Variants in LEMD2 observed in about 807,000 individuals in gnomAD.
The protein encoded by LEMD2 is LEM domain nuclear envelope protein 2.
A neutral mutation model predicts 58.8 loss-of-function variants in LEMD2; 34 were observed. The observed-to-expected ratio is 0.58, with a 90% CI of 0.44 to 0.77. The LOEUF is 0.77. Among genes scored for constraint, LEMD2 ranks in the 30% least tolerant of loss-of-function variants. LEMD2 has a pLI of 0.00. For missense variants in LEMD2, 629 were observed against 717.9 expected (o/e 0.88, Z 1.42); for synonymous variants, 298 against 308.9 (o/e 0.96, Z 0.37).
intron 4 of LEMD2, among the ~76,000 whole-genome samples, chr6:33,780,557 G>A (rs1767542796): frequency 6.6e-6 from 1 of 151,406 alleles, no homozygotes; most frequent in Admixed American, 6.6e-5. Flanking sequence ...CTGGCCTCAG[G>A]CAAGTCCCTG....
rs73412138 is a variant in LEMD2 at position 33,788,448 on chromosome 6, G to A, written c.669C>T (p.Leu223=). The A allele has an allele frequency of 2.5e-5, 40 of 1,579,328 alleles. No individual in the cohort carries two copies. Among genetic ancestry groups the A allele is most frequent in the African/African-American group, 4.1e-5 (3 of 73,894 alleles). Residue 223 remains leucine, a synonymous_variant, in exon 1 of 9, where the codon CTC becomes CTT. Transcript: ENST00000293760. ...TCACCCAAAGGATGCCCAGGAAGAC[G>A]AGCAGTAGCCCTAGGCTGGCCCAGA... ...LLLWASLGLL[L]VFLGILWVKM...
In LEMD2 at chr6:33,772,622, CG is replaced by C; in HGVS notation, c.*5del. Reference sequence around the variant, plus strand: ...GGCTGACCGGGAACAAGTCCCCGCCCGGGGCTTATCGCTCTGAGTCAGAGAA... The same window carrying C: ...GGCTGACCGGGAACAAGTCCCCGCCCGGGCTTATCGCTCTGAGTCAGAGAA... On this transcript the variant is annotated 3_prime_UTR_variant, in exon 9 of 9. Transcript: ENST00000293760. 3 of 1,612,192 alleles carry C rather than the reference CG, an allele frequency of 1.9e-6. No individual in the cohort carries two copies. The highest frequency in any genetic ancestry group is 2.5e-6 in the Non-Finnish European group (3 of 1,179,060).
rs1317962040 is a variant in LEMD2, at chr6:33,771,717, A to G, written c.*911T>C. ...AGCCACTGCGCCTCTCCCGCCGCCA[A>G]GAGCCGCGGCCGGGGTAACAGAAAC... On this transcript the variant is annotated 3_prime_UTR_variant, in exon 9 of 9. Coordinates refer to ENST00000293760, the MANE Select transcript of LEMD2 (RefSeq NM_181336.4). 6.6e-6 allele frequency: 1 copy of G among 152,244 alleles called. No homozygotes were observed. Among genetic ancestry groups the G allele is most frequent in the Non-Finnish European group, 1.5e-5 (1 of 68,042 alleles). 9.4% of individuals were successfully genotyped at this position (152,244 alleles called of 1,614,324 possible). A position where few individuals can be genotyped will look rare whatever the true frequency, so the allele number is the denominator to read the frequency against.
chr6:33,771,252 G>A lies in LEMD2; in HGVS notation c.*1376C>T, dbSNP rs140602214. On this transcript the variant is annotated 3_prime_UTR_variant, in exon 9 of 9. Coordinates refer to ENST00000293760, the MANE Select transcript of LEMD2 (RefSeq NM_181336.4). ...ATAGTTTATTCATCCAGCAGTTTCAGCCCTGATACTGAAGCCTGTTGCGGT... is the reference window on the plus strand; with the variant it reads ...ATAGTTTATTCATCCAGCAGTTTCAACCCTGATACTGAAGCCTGTTGCGGT... 2 of 152,354 alleles carry A rather than the reference G, an allele frequency of 1.3e-5. No homozygotes were observed. The highest frequency in any genetic ancestry group is 4.8e-5 in the African/African-American group (2 of 41,582). The allele number at this position is 152,354 out of a possible 1,614,324, so 9.4% of individuals were successfully genotyped here. A position where few individuals can be genotyped will look rare whatever the true frequency, so the allele number is the denominator to read the frequency against.
intron 1 of LEMD2, among the ~76,000 whole-genome samples, chr6:33,787,363 T>C (rs985076241): frequency 6.6e-6 from 1 of 152,212 alleles, no homozygotes; most frequent in Admixed American, 6.5e-5. Context: ...AATGCTCTCA[T>C]AGTGGGGAAA....
intron 2 of LEMD2, among the ~76,000 whole-genome samples, chr6:33,786,046 T>C (rs1582263087): frequency 6.6e-6 from 1 of 152,178 alleles, no homozygotes; most frequent in African/African-American, 2.4e-5. Context: ...CACACTTAAT[T>C]AGACTACTAA....
chr6:33,778,229 G>GCCGAGGACTTACA lies in LEMD2; in HGVS notation c.1156_1156+12dup, dbSNP rs1433757813. 3.2e-6 allele frequency: 5 copies of GCCGAGGACTTACA among 1,572,380 alleles called. No individual in the cohort carries two copies. Among genetic ancestry groups the GCCGAGGACTTACA allele is most frequent in the Non-Finnish European group, 4.3e-6 (5 of 1,157,448 alleles). On this transcript the variant is annotated intron_variant, in intron 6 of 8. Coordinates refer to ENST00000293760, the MANE Select transcript of LEMD2 (RefSeq NM_181336.4). The surrounding 1 kb of genome is among the most constrained non-coding windows in gnomAD (Gnocchi z 4.7). ...ACTGCACAGAAGGGGAGGGAAGGCG[G>GCCGAGGACTTACA]CCGAGGACTTACACCAGAAGAAGAT... is the stretch of plus-strand genomic sequence containing the variant.
Position 33,789,084 on chromosome 6 carries a change from C to T in LEMD2, c.33G>A (p.Arg11=). The T allele has an allele frequency of 1.3e-6, 2 of 1,541,978 alleles. No homozygotes were observed. The highest frequency in any genetic ancestry group is 1.2e-5 in the South Asian group (1 of 84,906). MAGLSDLELR[R]ELQALGFQPG... is the part of the protein sequence containing the mutation. ...GCTGGAAGCCCAGGGCCTGCAGCTC[C>T]CGCCGCAGTTCCAGGTCCGACAGGC... The change falls in exon 1 of 9, where the codon CGG becomes CGA. Residue 11 remains arginine (R), a synonymous_variant. Coordinates refer to ENST00000293760, the MANE Select transcript of LEMD2 (RefSeq NM_181336.4).
rs1266836177 is a variant in LEMD2, at chr6:33,789,124, A to G, written c.-8T>C. 2 of 1,504,588 alleles carry G rather than the reference A, an allele frequency of 1.3e-6. No individual in the cohort carries two copies. The highest frequency in any genetic ancestry group is 4.5e-5 in the Admixed American group (2 of 44,866). The allele number at this position is 1,504,588 out of a possible 1,614,324, so 93.2% of individuals were successfully genotyped here. On this transcript the variant is annotated 5_prime_UTR_variant, in exon 1 of 9. Coordinates refer to ENST00000293760, the MANE Select transcript of LEMD2 (RefSeq NM_181336.4). ...GTCCGACAGGCCGGCCATGGCCAGG[A>G]CGCCGCCCCCCGCCCGCCCCTGGCG...
chr6:33,788,332 C>T (rs1314029909), intron 1 of LEMD2, 49 bp downstream of exon 1: 2 of 1,495,514 alleles, frequency 1.3e-6, no homozygotes, highest in Non-Finnish European at 1.8e-6. Context: ...GGTCCTCCGG[C>T]GGACACACGC....
At chr6:33,780,321 C>T (rs1767537164) in intron 4 of LEMD2, 142 bp from the exon 5 acceptor site, 2 of 743,616 alleles carry the variant, frequency 2.7e-6, no homozygotes, top group Non-Finnish European at 4.7e-6. Flanking sequence ...AGCAAAGTGG[C>T]AGGAAGGAAA....
In LEMD2 at chr6:33,771,642, GGGC is replaced by G. The variant is rs1206236395; in HGVS notation, c.*983_*985del. ...CTGAGGAGCTGGCGGGAGGGCCGGTGGGCGGCGGCGCGGACGCTGCTCCCTTGT... is the reference window on the plus strand; with the variant it reads ...CTGAGGAGCTGGCGGGAGGGCCGGTGGGCGGCGCGGACGCTGCTCCCTTGT... On this transcript the variant is annotated 3_prime_UTR_variant, in exon 9 of 9. Transcript: ENST00000293760. 4 of 152,248 alleles carry G rather than the reference GGGC, an allele frequency of 2.6e-5. No homozygotes were observed. The highest frequency in any genetic ancestry group is 9.6e-5 in the African/African-American group (4 of 41,468). The allele number at this position is 152,248 out of a possible 1,614,324, so 9.4% of individuals were successfully genotyped here.
In LEMD2 at chr6:33,771,764, G is replaced by A. The variant is rs1328212160; in HGVS notation, c.*864C>T. On this transcript the variant is annotated 3_prime_UTR_variant, in exon 9 of 9. Transcript: ENST00000293760. ...AAACGCCGGCTGCGCTGAAGTTCTT[G>A]TTAAACAGCCCCGCGTCGGGGCTGT... 1 of 152,252 alleles carries A rather than the reference G, an allele frequency of 6.6e-6. No individual in the cohort carries two copies. The highest frequency in any genetic ancestry group is 1.5e-5 in the Non-Finnish European group (1 of 68,036). The allele number at this position is 152,252 out of a possible 1,614,324, so 9.4% of individuals were successfully genotyped here. A position where few individuals can be genotyped will look rare whatever the true frequency, so the allele number is the denominator to read the frequency against.
intron 1 of LEMD2, among the ~76,000 whole-genome samples, chr6:33,787,869 C>A (rs1767716572): frequency 6.6e-6 from 1 of 152,222 alleles, no homozygotes; most frequent in African/African-American, 2.4e-5. Flanking sequence ...GTAGATTCTC[C>A]TGTTGACAAA....
In LEMD2 at chr6:33,788,613, G is replaced by A; in HGVS notation, c.504C>T (p.Ala168=). 1.7e-5 allele frequency: 22 copies of A among 1,274,752 alleles called. No homozygotes were observed. The highest frequency in any genetic ancestry group is 2.1e-5 in the Non-Finnish European group (21 of 1,014,480). 79.0% of individuals were successfully genotyped at this position (1,274,752 alleles called of 1,614,324 possible). The change falls in exon 1 of 9, where the codon GCC becomes GCT. Residue 168 remains alanine, a synonymous_variant. Transcript: ENST00000293760. ...GGAGGGAGGAAGGCAGCCGCGCCGG[G>A]GCGGGAGACGCTGCCCACCAGCGGC... The part of the protein sequence containing the change: ...AARRWWAASP[A]PARLPSSLLG...
At position 33,786,718 on chromosome 6, in the gene LEMD2, A is replaced by C; in HGVS notation, c.777+16T>G. 3 of 1,604,674 alleles carry C rather than the reference A, an allele frequency of 1.9e-6. No individual in the cohort carries two copies. Among genetic ancestry groups the C allele is most frequent in the Non-Finnish European group, 2.6e-6 (3 of 1,171,834 alleles). ...CCTCAGGAAGAATAATAAAAACCAG[A>C]GAAACTCAAACTCACCTCATCTGTT... On this transcript the variant is annotated intron_variant, in intron 2 of 8. Transcript: ENST00000293760.
chr6:33,778,151 C>T lies in LEMD2; in HGVS notation c.1156+91G>A, dbSNP rs975942666. The T allele has an allele frequency of 1.6e-6, 2 of 1,289,262 alleles. No individual in the cohort carries two copies. 79.9% of individuals were successfully genotyped at this position (1,289,262 alleles called of 1,614,324 possible). A position where few individuals can be genotyped will look rare whatever the true frequency, so the allele number is the denominator to read the frequency against. On this transcript the variant is annotated intron_variant, in intron 6 of 8. Transcript: ENST00000293760. The surrounding 1 kb of genome is among the most constrained non-coding windows in gnomAD (Gnocchi z 4.7). ...TCAGGTTCACTAGACAGAAATGAAC[C>T]CTCCGGGCCTGGAATTTCTATAGCT...
chr6:33,777,961 T>C (rs1236389505), intron 6 of LEMD2, among the ~76,000 whole-genome samples: 1 of 152,186 alleles, frequency 6.6e-6, no homozygotes, highest in Non-Finnish European at 1.5e-5. Context: ...GGGGCCCAGC[T>C]CCTGCTCAGG....
In LEMD2 at chr6:33,784,401, G is replaced by A; in HGVS notation, c.804C>T (p.Ala268=). The part of the protein sequence containing the change: ...DEFCQAKQKA[A]LLELLHELYN... Reference sequence around the variant, plus strand: ...AGAGTTCATGCAGCAGCTCCAGCAAGGCTGCCTTCTGCTTGGCCTGACAGA... The same window carrying A: ...AGAGTTCATGCAGCAGCTCCAGCAAAGCTGCCTTCTGCTTGGCCTGACAGA... Residue 268 remains alanine, a synonymous_variant, in exon 3 of 9, where the codon GCC becomes GCT. Transcript: ENST00000293760. The A allele has an allele frequency of 6.4e-7, 1 of 1,551,006 alleles. No homozygotes were observed. Among genetic ancestry groups the A allele is most frequent in the African/African-American group, 1.4e-5 (1 of 72,096 alleles).
Sources: allele counts gnomAD v4.1 joint callset (sites outside exome capture counted in the v4.1 genomes callset), GRCh38; gene constraint gnomAD v4.1.1; non-coding constraint Gnocchi (gnomAD v3.1); transcripts MANE v1.5; gene names NCBI Gene and HGNC (gene_info 2026-07-23, HGNC 2026-07-21).